TOX: variants seen among roughly 807,000 people sequenced by gnomAD.
TOX encodes the protein thymocyte selection-associated high mobility group box protein TOX.
TOX carries 11 observed loss-of-function variants against 53.7 expected under a neutral mutation model. The observed-to-expected ratio is 0.20, with a 90% CI of 0.13 to 0.34. TOX has a LOEUF of 0.34. Ranked by LOEUF, TOX falls within the 10% of genes least tolerant of loss-of-function variation. TOX has a pLI of 1.00. For missense variants in TOX, 570 were observed against 664.6 expected, an observed-to-expected ratio of 0.86 and a Z score of 1.56; for synonymous variants, 225 against 245.3, an observed-to-expected ratio of 0.92 and a Z score of 0.77.
intron 7 of TOX, among the ~76,000 whole-genome samples, chr8:58,808,950 C>A (rs1344865747): frequency 6.6e-6 from 1 of 152,192 alleles, no homozygotes; most frequent in Non-Finnish European, 1.5e-5. Context: ...TATTAACTGG[C>A]AAACAATAAT....
chr8:59,081,966 A>G (rs1804416401), intron 1 of TOX, among the ~76,000 whole-genome samples: 1 of 152,204 alleles, frequency 6.6e-6, no homozygotes, highest in Non-Finnish European at 1.5e-5. Flanking sequence ...AGTACTTATA[A>G]AGGGGAAAAA....
chr8:58,854,034 T>A (rs1398866732), intron 3 of TOX, among the ~76,000 whole-genome samples: 1 of 152,192 alleles, frequency 6.6e-6, no homozygotes, highest in Non-Finnish European at 1.5e-5. Flanking sequence ...TACCTGTAAG[T>A]GGACACTATC....
At chr8:58,813,755 C>A (rs1810124015) in intron 7 of TOX, among the ~76,000 whole-genome samples, 2 of 152,028 alleles carry the variant, frequency 1.3e-5, no homozygotes. Flanking sequence ...GGCTTAGGGA[C>A]CAAGAAAGAC....
At chr8:59,010,054 C>T (rs79725344) in intron 1 of TOX, among the ~76,000 whole-genome samples, 1,839 of 152,220 alleles carry the variant, frequency 0.012, 19 homozygotes, top group Middle Eastern at 0.058. Context: ...TCAAAATTAT[C>T]ACTCTTGACT....
chr8:59,020,375 T>C (rs1814100100), intron 1 of TOX, among the ~76,000 whole-genome samples: 1 of 152,230 alleles, frequency 6.6e-6, no homozygotes, highest in African/African-American at 2.4e-5. Flanking sequence ...TGTGAGGACT[T>C]CTACTGCTAC....
At position 59,039,801 on chromosome 8, in the gene TOX, G is replaced by A. The variant is rs371086690; in HGVS notation, c.102+79085C>T. On this transcript the variant is annotated intron_variant, in intron 1 of 8. Transcript: ENST00000361421. ...TCCAGCAAAAATAGAAAAGCTTTAT[G>A]TATTTACTTTCTGGTTTTGGACAGA... 7.0e-4 allele frequency among the ~76,000 whole-genome samples: 107 copies of A among 152,208 alleles called. 5 individuals carry two copies. Among genetic ancestry groups the A allele is most frequent in the Admixed American group, 1.8e-3 (28 of 15,290 alleles).
chr8:58,925,109 T>C (rs980117721), intron 3 of TOX, among the ~76,000 whole-genome samples: 1 of 152,186 alleles, frequency 6.6e-6, no homozygotes, highest in Non-Finnish European at 1.5e-5. Flanking sequence ...ACAGCTTCTA[T>C]GGCAAGTTAG....
At chr8:59,064,622 TG>T (rs1306175524) in intron 1 of TOX, among the ~76,000 whole-genome samples, 1 of 152,166 alleles carries the variant, frequency 6.6e-6, no homozygotes, top group African/African-American at 2.4e-5. Flanking sequence ...GTGCTCTGCT[TG>T]CACTATTCTA....
chr8:58,920,720 T>TTAAAAAAAAAAAAAAAAAAAAAAA (rs1812053613), intron 3 of TOX, among the ~76,000 whole-genome samples: 1 of 21,954 alleles, frequency 4.6e-5, no homozygotes, highest in African/African-American at 1.1e-4. Flanking sequence ...AAAAAAAACA[T>TTAAAAAAAAAAAAAAAAAAAAAAA]TAAAAAAAAA....
intron 1 of TOX, among the ~76,000 whole-genome samples, chr8:59,052,343 G>C (rs182860409): frequency 2.1e-4 from 32 of 152,282 alleles, no homozygotes; most frequent in African/African-American, 6.7e-4. Context: ...AAAGCATGCA[G>C]TGAGATTCTA....
At chr8:58,859,694 T>A (rs542496307) in intron 3 of TOX, among the ~76,000 whole-genome samples, 1 of 152,280 alleles carries the variant, frequency 6.6e-6, no homozygotes, top group East Asian at 1.9e-4. Flanking sequence ...CCTGACCATC[T>A]CACTCCTTTA....
intron 2 of TOX, among the ~76,000 whole-genome samples, chr8:58,940,512 C>T (rs995361167): frequency 6.6e-6 from 1 of 152,084 alleles, no homozygotes; most frequent in Admixed American, 6.5e-5. Flanking sequence ...ATTAAATACA[C>T]AGTGATATAT....
chr8:59,089,497 A>T (rs544412362), intron 1 of TOX, among the ~76,000 whole-genome samples: 3 of 152,314 alleles, frequency 2.0e-5, no homozygotes, highest in Admixed American at 2.0e-4. Context: ...GTAACTTCTC[A>T]GATTAAGTGA....
chr8:58,858,860 C>T (rs1045283447), intron 3 of TOX, among the ~76,000 whole-genome samples: 34 of 152,252 alleles, frequency 2.2e-4, no homozygotes, highest in African/African-American at 7.9e-4. Flanking sequence ...GGCAGGAAGG[C>T]AAAGCGGTTT....
chr8:59,011,883 C>A (rs755473431), intron 1 of TOX, among the ~76,000 whole-genome samples: 1 of 152,140 alleles, frequency 6.6e-6, no homozygotes, highest in Non-Finnish European at 1.5e-5. Context: ...TGAAGTGCAA[C>A]CCCAATGCCA....
intron 3 of TOX, among the ~76,000 whole-genome samples, chr8:58,896,512 C>T (rs925868177): frequency 8.5e-5 from 13 of 152,144 alleles, no homozygotes; most frequent in Middle Eastern, 3.4e-3. Flanking sequence ...CCTGTCTCTA[C>T]TAAAATACAA....
chr8:58,925,284 T>G (rs1462819256), intron 3 of TOX, among the ~76,000 whole-genome samples: 1 of 152,222 alleles, frequency 6.6e-6, no homozygotes, highest in Non-Finnish European at 1.5e-5. Flanking sequence ...AATTGCATTG[T>G]TTTTATGAAA....
intron 2 of TOX, among the ~76,000 whole-genome samples, chr8:58,958,150 CTCT>C (rs1281943238): frequency 1.3e-5 from 2 of 152,110 alleles, no homozygotes; most frequent in Non-Finnish European, 2.9e-5. Context: ...GTATTTGGGG[CTCT>C]TCTTTACAAA....
chr8:58,845,855 C>A (rs528915765), intron 4 of TOX, among the ~76,000 whole-genome samples: 2 of 152,148 alleles, frequency 1.3e-5, no homozygotes, highest in East Asian at 1.9e-4. Flanking sequence ...ATTTTATACA[C>A]CTACTGGTTA....
Sources: allele counts gnomAD v4.1 joint callset (sites outside exome capture counted in the v4.1 genomes callset), GRCh38; gene constraint gnomAD v4.1.1; transcripts MANE v1.5; gene names NCBI Gene and HGNC (gene_info 2026-07-23, HGNC 2026-07-21).